SH3GL2: variants seen among roughly 807,000 people sequenced by gnomAD.
SH3GL2 encodes the protein endophilin-A1.
SH3GL2 carries 24 observed loss-of-function variants against 46.0 expected under a neutral mutation model. The ratio of observed to expected loss-of-function variants is 0.52; its 90% CI spans 0.38 to 0.73. The LOEUF (loss-of-function observed/expected upper bound fraction) is 0.73, where lower values mean the gene tolerates loss of function less well. Among genes scored for constraint, SH3GL2 ranks in the 30% least tolerant of loss-of-function variants. The pLI is 0.00. For missense variants in SH3GL2, 413 were observed against 424.2 expected (o/e 0.97, Z 0.23); for synonymous variants, 196 against 147.1 (o/e 1.33, Z -2.40).
At chr9:17,682,340 C>T (rs532106405) in intron 1 of SH3GL2, among the ~76,000 whole-genome samples, 1 of 152,094 alleles carries the variant, frequency 6.6e-6, no homozygotes, top group Non-Finnish European at 1.5e-5. Context: ...CTGGATAAAG[C>T]AAATGTGGTA....
intron 1 of SH3GL2, among the ~76,000 whole-genome samples, chr9:17,700,980 C>G (rs1392368030): frequency 6.6e-6 from 1 of 152,204 alleles, no homozygotes; most frequent in Non-Finnish European, 1.5e-5. Flanking sequence ...TTTCATCATG[C>G]TAATATGGAA....
intron 1 of SH3GL2, among the ~76,000 whole-genome samples, chr9:17,711,271 T>C (rs1431620492): frequency 6.6e-6 from 1 of 151,998 alleles, no homozygotes; most frequent in Non-Finnish European, 1.5e-5. Context: ...TTAATCTTGT[T>C]TCCTTGACTT....
At chr9:17,663,354 T>C (rs1820268223) in intron 1 of SH3GL2, among the ~76,000 whole-genome samples, 1 of 152,188 alleles carries the variant, frequency 6.6e-6, no homozygotes, top group Admixed American at 6.5e-5. Flanking sequence ...TGTTTATTAA[T>C]GCTTTCCTTT....
At chr9:17,702,776 T>G (rs1247636886) in intron 1 of SH3GL2, among the ~76,000 whole-genome samples, 1 of 152,098 alleles carries the variant, frequency 6.6e-6, no homozygotes, top group East Asian at 1.9e-4. Flanking sequence ...CACCGAAATA[T>G]CTAAAAGGCA....
intron 1 of SH3GL2, among the ~76,000 whole-genome samples, chr9:17,663,799 C>T (rs1420942664): frequency 6.6e-6 from 1 of 152,192 alleles, no homozygotes; most frequent in Middle Eastern, 3.4e-3. Context: ...CTGCAATAAG[C>T]CACAGGAAAA....
At chr9:17,756,895 T>C (rs9407834) in intron 2 of SH3GL2, among the ~76,000 whole-genome samples, 7,667 of 152,124 alleles carry the variant, frequency 0.05, 396 homozygotes, top group African/African-American at 0.14. Context: ...CCTGAGGAAT[T>C]GCCACACTGT....
At chr9:17,677,938 T>C (rs1820656864) in intron 1 of SH3GL2, among the ~76,000 whole-genome samples, 2 of 152,146 alleles carry the variant, frequency 1.3e-5, no homozygotes, top group Admixed American at 1.3e-4. Context: ...TTCATCCATG[T>C]CCCTACAAAG....
intron 1 of SH3GL2, among the ~76,000 whole-genome samples, chr9:17,585,421 G>A (rs1214168117): frequency 3.3e-5 from 5 of 151,986 alleles, no homozygotes; most frequent in African/African-American, 9.7e-5. Flanking sequence ...TTAATCCTTC[G>A]TACCCTTGTC....
At chr9:17,648,896 C>A (rs984934601) in intron 1 of SH3GL2, among the ~76,000 whole-genome samples, 18 of 152,192 alleles carry the variant, frequency 1.2e-4, no homozygotes, top group African/African-American at 4.3e-4. Context: ...CTCATCATAT[C>A]AATCATTTTT....
intron 1 of SH3GL2, among the ~76,000 whole-genome samples, chr9:17,582,917 T>G (rs1818304061): frequency 6.6e-6 from 1 of 152,236 alleles, no homozygotes. Flanking sequence ...TGTGTGTGTC[T>G]CAGTGTCCAA....
chr9:17,753,463 C>T (rs897027447), intron 2 of SH3GL2, among the ~76,000 whole-genome samples: 1 of 152,180 alleles, frequency 6.6e-6, no homozygotes, highest in African/African-American at 2.4e-5. Flanking sequence ...TTCTTGGCCA[C>T]ATAAATGTCT....
intron 1 of SH3GL2, among the ~76,000 whole-genome samples, chr9:17,737,081 T>C (rs1822358751): frequency 1.3e-5 from 2 of 152,048 alleles, no homozygotes; most frequent in Non-Finnish European, 2.9e-5. Flanking sequence ...AAACCATCAT[T>C]CTCAGCAAAC....
chr9:17,618,799 G>T (rs1819064815), intron 1 of SH3GL2, among the ~76,000 whole-genome samples: 2 of 148,382 alleles, frequency 1.3e-5, no homozygotes, highest in Non-Finnish European at 1.5e-5. Context: ...TATTTTGTGT[G>T]TGTGTGTGTG....
intron 1 of SH3GL2, among the ~76,000 whole-genome samples, chr9:17,625,464 T>C (rs528579228): frequency 6.6e-6 from 1 of 152,216 alleles, no homozygotes; most frequent in African/African-American, 2.4e-5. Flanking sequence ...ATGGAGCTAT[T>C]TAAAACGCAT....
chr9:17,582,454 GT>G (rs1818295567), intron 1 of SH3GL2, among the ~76,000 whole-genome samples: 1 of 152,130 alleles, frequency 6.6e-6, no homozygotes, highest in Non-Finnish European at 1.5e-5. Context: ...CAAAAGTCAT[GT>G]CAGTTTTTTT....
intron 7 of SH3GL2, among the ~76,000 whole-genome samples, chr9:17,791,778 T>A (rs1824137309): frequency 6.6e-6 from 1 of 152,116 alleles, no homozygotes. Flanking sequence ...GCAAGTGGAG[T>A]TCACAGCCAG....
At chr9:17,690,585 C>A (rs570346096) in intron 1 of SH3GL2, among the ~76,000 whole-genome samples, 1 of 152,074 alleles carries the variant, frequency 6.6e-6, no homozygotes, top group East Asian at 1.9e-4. Flanking sequence ...GCCAGCTAAG[C>A]CCAAGACAGG....
At chr9:17,619,497 A>G (rs1819081483) in intron 1 of SH3GL2, among the ~76,000 whole-genome samples, 1 of 152,108 alleles carries the variant, frequency 6.6e-6, no homozygotes, top group Admixed American at 6.5e-5. Flanking sequence ...GACCAATATG[A>G]TGACACCCCG....
At chr9:17,728,193 C>T (rs898818061) in intron 1 of SH3GL2, among the ~76,000 whole-genome samples, 2 of 152,066 alleles carry the variant, frequency 1.3e-5, no homozygotes, top group Non-Finnish European at 2.9e-5. Flanking sequence ...TCTTTAGGAA[C>T]CTGACTCTTG....
Sources: allele counts gnomAD v4.1 joint callset (sites outside exome capture counted in the v4.1 genomes callset), GRCh38; gene constraint gnomAD v4.1.1; transcripts MANE v1.5; gene names NCBI Gene and HGNC (gene_info 2026-07-23, HGNC 2026-07-21).